The following AK7 variants were observed in gnomAD, a reference collection of about 807,000 sequenced individuals.
AK7 encodes the protein ATP-AMP transphosphorylase 7.
AK7 carries 78 observed loss-of-function variants against 96.6 expected under a neutral mutation model. That is an observed-to-expected ratio of 0.81 (90% CI 0.67 to 0.97). The LOEUF (loss-of-function observed/expected upper bound fraction) is 0.97. AK7 is among the 50% of genes least tolerant of loss of function. The probability of loss-of-function intolerance (pLI) is 0.00; values close to 1 mark genes in which losing one functional copy is unlikely to be tolerated. For missense variants in AK7, 855 were observed against 887.9 expected, an observed-to-expected ratio of 0.96 and a Z score of 0.47; for synonymous variants, 302 against 317.2, an observed-to-expected ratio of 0.95 and a Z score of 0.51.
chr14:96,412,226 C>CTTTTTTTTTTTT (rs34331496), intron 4 of AK7, among the ~76,000 whole-genome samples: 1 of 121,026 alleles, frequency 8.3e-6, no homozygotes, highest in Non-Finnish European at 1.7e-5. Context: ...TTCTTTCTTT[C>CTTTTTTTTTTTT]TTTTTTTTTT....
intron 14 of AK7, among the ~76,000 whole-genome samples, chr14:96,475,984 A>G (rs1895154234): frequency 5.1e-5 from 1 of 19,718 alleles, no homozygotes; most frequent in Non-Finnish European, 8.8e-5. Context: ...CTCTTAAAAA[A>G]AAAAAGAAAA....
At chr14:96,421,010 C>A (rs1258160565) in intron 5 of AK7, 78 bp downstream of exon 5, 14 of 992,970 alleles carry the variant, frequency 1.4e-5, no homozygotes, top group Non-Finnish European at 2.1e-5. Context: ...GAGACTTACC[C>A]CACGGATGTC....
chr14:96,483,118 G>C lies in AK7; in HGVS notation c.1873G>C (p.Ala625Pro). The C allele has an allele frequency of 6.2e-7, 1 of 1,614,184 alleles. No homozygotes were observed. The highest frequency in any genetic ancestry group is 8.5e-7 in the Non-Finnish European group (1 of 1,180,030). Reference sequence around the variant, plus strand: ...AGAAAAGGCAGAAGAGGAGCGGAAGGCTGCGGAGGAGCGGCTGGCCAGGGA... The same window carrying C: ...AGAAAAGGCAGAAGAGGAGCGGAAGCCTGCGGAGGAGCGGCTGGCCAGGGA... ...DEEKAEEERKAAEERLAREAA... is the reference protein window; with the variant it reads ...DEEKAEEERKPAEERLAREAA... The change falls in exon 16 of 18, where the codon GCT becomes CCT. Residue 625 changes from alanine to proline, a missense_variant. Transcript: ENST00000267584.
chr14:96,406,491 G>C lies in AK7; in HGVS notation c.403+1626G>C, dbSNP rs76034026. ...TTTTCTATTTAGAGGAAAACTTTTA[G>C]CTGAATTACTTCATTTTTGAGATAT... is the stretch of plus-strand genomic sequence containing the variant. On this transcript the variant is annotated intron_variant, in intron 3 of 17. Coordinates refer to ENST00000267584, the MANE Select transcript of AK7 (RefSeq NM_152327.5). Among the ~76,000 whole-genome samples the C allele has an allele frequency of 4.7e-3, 712 of 152,286 alleles. 5 individuals carry two copies. The highest frequency in any genetic ancestry group is 0.01 in the Middle Eastern group (3 of 294).
At chr14:96,435,695 G>A (rs577734096) in intron 5 of AK7, among the ~76,000 whole-genome samples, 2 of 152,228 alleles carry the variant, frequency 1.3e-5, no homozygotes, top group South Asian at 2.1e-4. Context: ...GCGAGGTTTG[G>A]AGGCACTTAA....
intron 12 of AK7, among the ~76,000 whole-genome samples, chr14:96,462,571 T>C (rs1393570572): frequency 6.6e-6 from 1 of 152,146 alleles, no homozygotes; most frequent in African/African-American, 2.4e-5. Flanking sequence ...TGTTACACCA[T>C]AGAGTGTGCT....
At chr14:96,457,296 G>A (rs927672953) in intron 11 of AK7, among the ~76,000 whole-genome samples, 1 of 151,964 alleles carries the variant, frequency 6.6e-6, no homozygotes, top group Non-Finnish European at 1.5e-5. Context: ...CCTGAGCTCA[G>A]GTGATCCGCC....
chr14:96,422,957 T>C (rs928335269), intron 5 of AK7, among the ~76,000 whole-genome samples: 9 of 152,202 alleles, frequency 5.9e-5, no homozygotes, highest in African/African-American at 2.2e-4. Context: ...TTTATTCAAC[T>C]ATCAGCAAAC....
rs769973237 is a variant in AK7 at position 96,458,125 on chromosome 14, G to T, written c.1270G>T (p.Glu424Ter). ...TAACGATGTAGGGGAAGGAGAAGAA[G>T]AAGTCGAAGAGGAAGAGGAGGAGGA... ...APNDVGEGEE[E>*]VEEEEEEENV... Residue 424 changes from glutamate to a stop codon, truncating the protein, a stop_gained, in exon 12 of 18, where the codon GAA becomes TAA. Transcript: ENST00000267584. LOFTEE classifies it high-confidence loss of function. The T allele has an allele frequency of 1.2e-6, 2 of 1,613,970 alleles. No homozygotes were observed. The highest frequency in any genetic ancestry group is 8.5e-7 in the Non-Finnish European group (1 of 1,179,954).
In AK7 at chr14:96,488,412, C is replaced by CT. The variant is rs1186503161; in HGVS notation, c.*72dup. 4.9e-6 allele frequency: 7 copies of CT among 1,419,046 alleles called. No homozygotes were observed. 87.9% of individuals were successfully genotyped at this position (1,419,046 alleles called of 1,614,324 possible). A position where few individuals can be genotyped will look rare whatever the true frequency, so the allele number is the denominator to read the frequency against. ...TCACTTATTATACTTTGAAAAATTG[C>CT]TTTGAAAAATGCTTTTCCAGTTCTT... On this transcript the variant is annotated 3_prime_UTR_variant, in exon 18 of 18. Coordinates refer to ENST00000267584, the MANE Select transcript of AK7 (RefSeq NM_152327.5).
At chr14:96,456,263 C>G in intron 10 of AK7, 84 bp from the exon 11 acceptor site, 4 of 801,638 alleles carry the variant, frequency 5.0e-6, no homozygotes, top group Non-Finnish European at 6.9e-6. Flanking sequence ...AAAAAAAAAG[C>G]ACTCCCCTGA....
chr14:96,403,676 C>T (rs564179496), intron 2 of AK7, among the ~76,000 whole-genome samples: 39 of 152,280 alleles, frequency 2.6e-4, no homozygotes, highest in African/African-American at 9.4e-4. Flanking sequence ...TGCTTTAATA[C>T]AGTTGGTCAA....
At chr14:96,416,737 A>G (rs1269050311) in intron 4 of AK7, among the ~76,000 whole-genome samples, 1 of 152,202 alleles carries the variant, frequency 6.6e-6, no homozygotes, top group Non-Finnish European at 1.5e-5. Context: ...AATACACTTT[A>G]TTTGTTGTGT....
intron 7 of AK7, 29 bp from the exon 8 acceptor site, chr14:96,446,488 T>C (rs368259150): frequency 7.5e-6 from 12 of 1,599,346 alleles, no homozygotes; most frequent in Middle Eastern, 1.7e-4. Context: ...TTTTTCCCTT[T>C]GATGATTATT....
At chr14:96,459,517 T>A (rs182848679) in intron 12 of AK7, among the ~76,000 whole-genome samples, 149 of 152,064 alleles carry the variant, frequency 9.8e-4, no homozygotes, top group African/African-American at 3.5e-3. Context: ...CCTTAATATA[T>A]AAAATGTTCA....
intron 16 of AK7, among the ~76,000 whole-genome samples, chr14:96,485,365 G>A (rs1005085053): frequency 4.6e-5 from 7 of 152,084 alleles, no homozygotes; most frequent in South Asian, 2.1e-4. Context: ...AAACAGGAAC[G>A]GCTCCAGTTG....
intron 17 of AK7, among the ~76,000 whole-genome samples, chr14:96,487,678 C>G (rs927288532): frequency 6.6e-6 from 1 of 151,800 alleles, no homozygotes; most frequent in Non-Finnish European, 1.5e-5. Context: ...CTGCCTGCCT[C>G]GGTCTCCCAA....
intron 2 of AK7, among the ~76,000 whole-genome samples, chr14:96,404,281 A>G (rs1438714608): frequency 6.6e-6 from 1 of 152,198 alleles, no homozygotes; most frequent in Non-Finnish European, 1.5e-5. Context: ...CCGGCTGTCA[A>G]CTGTAATAAG....
chr14:96,476,145 C>A (rs1302350769), intron 14 of AK7, among the ~76,000 whole-genome samples: 1 of 152,134 alleles, frequency 6.6e-6, no homozygotes, highest in East Asian at 1.9e-4. Flanking sequence ...TCTTTGAAGA[C>A]CTCTTGGTTG....
Sources: gnomAD v4.1 joint callset for allele counts (sites outside exome capture counted in the v4.1 genomes callset) on GRCh38, gnomAD v4.1.1 for gene constraint, MANE v1.5 for transcripts, NCBI Gene and HGNC (gene_info 2026-07-23, HGNC 2026-07-21) for gene names.